FBXO9: variants seen among roughly 807,000 people sequenced by gnomAD.
FBXO9 encodes the protein F-box protein 9, also known as F-box only protein 9.
A neutral mutation model predicts 63.7 loss-of-function variants in FBXO9; 43 were observed. The ratio of observed to expected loss-of-function variants is 0.67; its 90% CI spans 0.53 to 0.87. FBXO9 has a LOEUF of 0.87. Among genes scored for constraint, FBXO9 ranks in the 40% least tolerant of loss-of-function variants. The probability of loss-of-function intolerance (pLI) is 0.00; values close to 1 mark genes in which losing one functional copy is unlikely to be tolerated. For synonymous variants in FBXO9, 156 were observed against 171.7 expected (o/e 0.91, Z 0.72); for missense variants, 442 against 533.2 (o/e 0.83, Z 1.68).
chr6:53,065,500 A>G lies in FBXO9; in HGVS notation c.-290A>G. ...AGGGCTGACGCTCCGGTGCTCGCACAATCCCCCGCCTCGGCTGGCAACGGG... is the reference window on the plus strand; with the variant it reads ...AGGGCTGACGCTCCGGTGCTCGCACGATCCCCCGCCTCGGCTGGCAACGGG... On this transcript the variant is annotated 5_prime_UTR_variant, in exon 1 of 13. Coordinates refer to ENST00000323557, the MANE Select transcript of FBXO9 (RefSeq NM_033480.3). 1 of 368,246 alleles carries G rather than the reference A, an allele frequency of 2.7e-6. No homozygotes were observed. The highest frequency in any genetic ancestry group is 4.9e-6 in the Non-Finnish European group (1 of 205,876). 22.8% of individuals were successfully genotyped at this position (368,246 alleles called of 1,614,324 possible). A position where few individuals can be genotyped will look rare whatever the true frequency, so the allele number is the denominator to read the frequency against.
rs533315640 is a variant in FBXO9, at chr6:53,071,111, G to A, written c.58G>A (p.Glu20Lys). Residue 20 changes from glutamate to lysine, a missense_variant, in exon 2 of 13, where the codon GAA becomes AAA. Around this residue, in one of 2 missense-constraint regions of FBXO9, gnomAD observed 180 missense variants for 171.1 expected, o/e 1.05. Coordinates refer to ENST00000323557, the MANE Select transcript of FBXO9 (RefSeq NM_033480.3). Reference sequence around the variant, plus strand: ...TACTGTCAGAGCAGATGATGATGAAGAAAATGAAAGTCCTGCTGAAACAGA... The same window carrying A: ...TACTGTCAGAGCAGATGATGATGAAAAAAATGAAAGTCCTGCTGAAACAGA... ...SDTVRADDDEENESPAETDLQ... is the reference protein window; with the variant it reads ...SDTVRADDDEKNESPAETDLQ... 4.5e-6 allele frequency: 7 copies of A among 1,569,592 alleles called. No individual in the cohort carries two copies. Among genetic ancestry groups the A allele is most frequent in the Non-Finnish European group, 6.1e-6 (7 of 1,155,292 alleles).
intron 7 of FBXO9, among the ~76,000 whole-genome samples, chr6:53,085,822 C>T (rs939660480): frequency 3.9e-5 from 6 of 152,114 alleles, no homozygotes; most frequent in African/African-American, 1.4e-4. Context: ...ATGAGAGATA[C>T]GTTCTTTGAG....
chr6:53,094,513 C>T (rs1763148593), intron 11 of FBXO9, among the ~76,000 whole-genome samples: 1 of 152,144 alleles, frequency 6.6e-6, no homozygotes, highest in Non-Finnish European at 1.5e-5. Flanking sequence ...AATTTTTTCA[C>T]CTTTCTCCAT....
chr6:53,087,161 A>G (rs1189201262), intron 7 of FBXO9, among the ~76,000 whole-genome samples: 1 of 151,922 alleles, frequency 6.6e-6, no homozygotes, highest in Admixed American at 6.6e-5. Context: ...GAGCAACATG[A>G]CGAAACCCCG....
intron 2 of FBXO9, among the ~76,000 whole-genome samples, chr6:53,071,656 A>G (rs1337706960): frequency 6.6e-6 from 1 of 152,192 alleles, no homozygotes; most frequent in Non-Finnish European, 1.5e-5. Flanking sequence ...TTAATAATTT[A>G]ATCAGATTGG....
intron 6 of FBXO9, among the ~76,000 whole-genome samples, chr6:53,081,384 G>A (rs1769307934): frequency 6.6e-6 from 1 of 152,154 alleles, no homozygotes; most frequent in Non-Finnish European, 1.5e-5. Context: ...CAATTCTGCT[G>A]CCTCAGCCTC....
rs761159029 is a variant in FBXO9, at chr6:53,075,734, A to ATTTTTTTTTTT, written c.250-750_250-749insTTTTTTTTTTT. Among the ~76,000 whole-genome samples the ATTTTTTTTTTT allele has an allele frequency of 2.4e-4, 20 of 82,170 alleles. 3 individuals are homozygous for ATTTTTTTTTTT. The highest frequency in any genetic ancestry group is 4.7e-4 in the African/African-American group (9 of 19,322). The allele number at this position is 82,170 out of a possible 152,430, so 53.9% of individuals were successfully genotyped here. ...TAATTGGATTACATATATATATATA[A>ATTTTTTTTTTT]TTATTTTTTTTTTTTTTTTTTTTTT... On this transcript the variant is annotated intron_variant, in intron 3 of 12. Coordinates refer to ENST00000323557, the MANE Select transcript of FBXO9 (RefSeq NM_033480.3).
At chr6:53,066,099 C>T in intron 1 of FBXO9, 1 of 1,184,154 alleles carries the variant, frequency 8.4e-7, no homozygotes, top group Non-Finnish European at 1.0e-6. Flanking sequence ...TATATTGAAC[C>T]AGTCTCGGTC....
intron 4 of FBXO9, among the ~76,000 whole-genome samples, chr6:53,077,472 CAAAAAAA>C (rs1173539613): frequency 4.3e-5 from 3 of 70,464 alleles, no homozygotes; most frequent in African/African-American, 5.7e-5. Context: ...GACTCCGTCT[CAAAAAAA>C]AAAAAAAAAA....
At chr6:53,082,038 C>T (rs1334662594) in intron 6 of FBXO9, among the ~76,000 whole-genome samples, 1 of 151,972 alleles carries the variant, frequency 6.6e-6, no homozygotes, top group Non-Finnish European at 1.5e-5. Context: ...CACTGCACTC[C>T]AGCCTGGGCA....
At chr6:53,065,323 T>A (rs1562059919), upstream of FBXO9, 1 of 156,774 alleles carries the variant, frequency 6.4e-6, no homozygotes, top group Non-Finnish European at 1.4e-5. Flanking sequence ...ACACAGTAGG[T>A]CCGCGACCCT....
At chr6:53,078,765 G>C in intron 4 of FBXO9, 34 bp from the exon 5 acceptor site, 1 of 1,492,916 alleles carries the variant, frequency 6.7e-7, no homozygotes, top group Non-Finnish European at 9.3e-7. Context: ...AAAATGTGTG[G>C]TCACAGCTAA....
intron 6 of FBXO9, among the ~76,000 whole-genome samples, 173 bp from the exon 7 acceptor site, chr6:53,082,331 G>A (rs1213964382): frequency 1.3e-5 from 2 of 152,154 alleles, no homozygotes; most frequent in African/African-American, 4.8e-5. Context: ...TTTATGTCTT[G>A]ATGTTAAGAA....
At position 53,092,431 on chromosome 6, in the gene FBXO9, A is replaced by G; in HGVS notation, c.656A>G (p.Asp219Gly). ...VCRGFYICAR[D>G]PEIWRLACLK... ...GACATTGTGCTTTTATTCCCTAGAG[A>G]CCCTGAAATATGGCGTCTGGCCTGC... Residue 219 changes from aspartate to glycine, a missense_variant and splice_region_variant, in exon 8 of 13, where the codon GAC becomes GGC. Transcript: ENST00000323557. 6.2e-7 allele frequency: 1 copy of G among 1,611,192 alleles called. No individual in the cohort carries two copies. Among genetic ancestry groups the G allele is most frequent in the Non-Finnish European group, 8.5e-7 (1 of 1,177,512 alleles).
intron 5 of FBXO9, among the ~76,000 whole-genome samples, chr6:53,080,042 A>G (rs1769253539): frequency 6.6e-6 from 1 of 152,250 alleles, no homozygotes; most frequent in East Asian, 1.9e-4. Flanking sequence ...AGTTTTATAA[A>G]TATGTGCCAG....
Position 53,065,769 on chromosome 6 carries a change from G to C in FBXO9, c.-21G>C, listed in dbSNP as rs780177217. 7 of 1,393,372 alleles carry C rather than the reference G, an allele frequency of 5.0e-6. No individual in the cohort carries two copies. In the East Asian group the frequency reaches 2.1e-4, roughly 42 times the overall value. The allele number at this position is 1,393,372 out of a possible 1,614,324, so 86.3% of individuals were successfully genotyped here. ...AGGGGGCACGGAGAGCCCCTCGAGC[G>C]CAGCAGGCCGCCCCGCCAGCATGGT... On this transcript the variant is annotated 5_prime_UTR_variant, in exon 1 of 13. Coordinates refer to ENST00000323557, the MANE Select transcript of FBXO9 (RefSeq NM_033480.3).
At chr6:53,088,637 C>T (rs1251155525) in intron 7 of FBXO9, among the ~76,000 whole-genome samples, 1 of 150,488 alleles carries the variant, frequency 6.6e-6, no homozygotes, top group Non-Finnish European at 1.5e-5. Context: ...CTCACTCTGT[C>T]GCCCAGGCTG....
chr6:53,095,749 T>C, intron 12 of FBXO9, 85 bp downstream of exon 12: 2 of 1,317,522 alleles, frequency 1.5e-6, no homozygotes, highest in Middle Eastern at 2.0e-4. Flanking sequence ...ATGTTTCTAA[T>C]TTCTCAGAGT....
At chr6:53,086,936 C>T (rs897011936) in intron 7 of FBXO9, among the ~76,000 whole-genome samples, 2 of 151,998 alleles carry the variant, frequency 1.3e-5, no homozygotes, top group African/African-American at 4.8e-5. Flanking sequence ...GCACGCCTAG[C>T]TACTTGGGAG....
Sources: gnomAD v4.1 joint callset for allele counts (sites outside exome capture counted in the v4.1 genomes callset) on GRCh38, gnomAD v4.1.1 for gene constraint, gnomAD v4.1.1 regional missense constraint, MANE v1.5 for transcripts, NCBI Gene and HGNC (gene_info 2026-07-23, HGNC 2026-07-21) for gene names.